USP34: variants seen among roughly 807,000 people sequenced by gnomAD.
USP34 encodes the protein ubiquitin carboxyl-terminal hydrolase 34.
A neutral mutation model predicts 460.3 loss-of-function variants in USP34; 70 were observed. The observed-to-expected ratio is 0.15, with a 90% confidence interval of 0.13 to 0.19. The LOEUF (loss-of-function observed/expected upper bound fraction) is 0.19, where lower values mean the gene tolerates loss of function less well. USP34 is among the 10% of genes least tolerant of loss of function. The pLI, the probability that USP34 is intolerant of heterozygous loss-of-function variation, is 1.00. For synonymous variants in USP34, 1,647 were observed against 1,405.3 expected, an observed-to-expected ratio of 1.17 and a Z score of -3.85; for missense variants, 3,985 against 4,236.2, an observed-to-expected ratio of 0.94 and a Z score of 1.65.
Position 61,236,322 on chromosome 2 carries a change from T to C in USP34, c.6842+3A>G, listed in dbSNP as rs772751542. The C allele has an allele frequency of 4.4e-6, 7 of 1,603,530 alleles. No individual in the cohort carries two copies. The highest frequency in any genetic ancestry group is 1.7e-5 in the Admixed American group (1 of 57,812). On this transcript the variant is annotated splice_donor_region_variant and intron_variant, in intron 54 of 79. Transcript: ENST00000398571. The stretch of plus-strand genomic sequence containing the variant: ...TATCTACTATGAAATTTACCAAACT[T>C]ACCCAAAATATGTATGTTCAAAAAT...
intron 30 of USP34, among the ~76,000 whole-genome samples, chr2:61,295,950 T>C (rs1276290622): frequency 6.6e-6 from 1 of 152,196 alleles, no homozygotes; most frequent in East Asian, 1.9e-4. Context: ...AAACTACTTA[T>C]TATACAAATT....
intron 1 of USP34, among the ~76,000 whole-genome samples, chr2:61,441,060 G>A (rs1044354892): frequency 5.9e-5 from 9 of 151,512 alleles, no homozygotes; most frequent in Non-Finnish European, 8.8e-5. Flanking sequence ...ACTGGGAGGC[G>A]GAGCTTGCAG....
rs770849663 is a variant in USP34, at chr2:61,214,076, G to A, written c.8666C>T (p.Ala2889Val). 2 of 1,614,062 alleles carry A rather than the reference G, an allele frequency of 1.2e-6. No individual in the cohort carries two copies. Among genetic ancestry groups the A allele is most frequent in the Non-Finnish European group, 1.7e-6 (2 of 1,180,036 alleles). ...TTTACTCACTCCAGGGTATTGGCTG[G>A]CATGTGGTGTAAGATTCTTAAAGGC... Reference protein sequence around the residue: ...QWAFKNLTPHASQYPGAVEEL... With the variant: ...QWAFKNLTPHVSQYPGAVEEL... The change falls in exon 68 of 80, where the codon GCC becomes GTC. Residue 2889 changes from alanine to valine, a missense_variant. Around this residue, in one of 14 missense-constraint regions of USP34, gnomAD observed 275 missense variants for 292.7 expected, o/e 0.94. Transcript: ENST00000398571.
intron 2 of USP34, among the ~76,000 whole-genome samples, chr2:61,420,355 A>G (rs552293728): frequency 1.3e-5 from 2 of 152,332 alleles, no homozygotes; most frequent in East Asian, 1.9e-4. Flanking sequence ...TCTAATACAC[A>G]TAATTATAGA....
intron 67 of USP34, 120 bp from the exon 68 acceptor site, chr2:61,214,814 A>C (rs1005591453): frequency 8.6e-7 from 1 of 1,158,120 alleles, no homozygotes; most frequent in African/African-American, 1.6e-5. Flanking sequence ...AAGGGACATG[A>C]ACATCTCTTT....
intron 1 of USP34, among the ~76,000 whole-genome samples, chr2:61,461,086 G>C (rs879367334): frequency 2.6e-5 from 4 of 151,792 alleles, no homozygotes; most frequent in Admixed American, 1.3e-4. Context: ...AGCGAGCTTT[G>C]AATTTTGAAA....
chr2:61,202,406 C>G (rs908483779), intron 75 of USP34, among the ~76,000 whole-genome samples: 3 of 152,110 alleles, frequency 2.0e-5, no homozygotes, highest in African/African-American at 7.2e-5. Flanking sequence ...AGAGGGAGGA[C>G]ACAGACGCCT....
In USP34 at chr2:61,405,724, G is replaced by A. The variant is rs1010532063; in HGVS notation, c.536C>T (p.Thr179Ile). 6.4e-7 allele frequency: 1 copy of A among 1,560,506 alleles called. No individual in the cohort carries two copies. The highest frequency in any genetic ancestry group is 8.6e-7 in the Non-Finnish European group (1 of 1,158,288). The change falls in exon 3 of 80, where the codon ACT becomes ATT. Residue 179 changes from threonine to isoleucine, a missense_variant. Around this residue, in one of 14 missense-constraint regions of USP34, gnomAD observed 331 missense variants for 293.7 expected, o/e 1.13. Coordinates refer to ENST00000398571, the MANE Select transcript of USP34 (RefSeq NM_014709.4). ...FPLYTAYKHN[T>I]HPTIEDISTQ... is the part of the protein sequence containing the mutation. ...TTTACATACCTCAATAGTAGGGTGA[G>A]TATTATGCTTGTAAGCAGTATATAA...
At chr2:61,193,206 G>A (rs2103739716) in intron 75 of USP34, 1 of 355,038 alleles carries the variant, frequency 2.8e-6, no homozygotes, top group Non-Finnish European at 5.1e-6. Context: ...AAGGATATGG[G>A]ACTTAAATCA....
intron 53 of USP34, among the ~76,000 whole-genome samples, chr2:61,238,599 AAAAACCACATTCTGGTTTATATCT>A (rs1171864808): frequency 6.6e-6 from 1 of 152,194 alleles, no homozygotes; most frequent in African/African-American, 2.4e-5. Context: ...TACAAATCTA[AAAAACCACATTCTGGTTTATATCT>A]AAAACCATAT....
chr2:61,319,689 C>CA (rs1438456479), intron 21 of USP34, among the ~76,000 whole-genome samples: 1 of 151,908 alleles, frequency 6.6e-6, no homozygotes. Flanking sequence ...TATTAAAATA[C>CA]AAAAAATTAG....
intron 27 of USP34, among the ~76,000 whole-genome samples, chr2:61,302,693 TTAAC>T (rs1690266594): frequency 6.6e-6 from 1 of 152,248 alleles, no homozygotes; most frequent in Admixed American, 6.5e-5. Flanking sequence ...TCTATATCAT[TTAAC>T]TAACAATTCC....
chr2:61,331,431 G>T, intron 19 of USP34, 60 bp from the exon 20 acceptor site: 1 of 1,337,234 alleles, frequency 7.5e-7, no homozygotes, highest in Non-Finnish European at 1.0e-6. Flanking sequence ...ATAAATCTAT[G>T]CTATGACAGT....
chr2:61,276,878 T>C (rs1046893812), intron 41 of USP34, among the ~76,000 whole-genome samples: 6 of 152,226 alleles, frequency 3.9e-5, no homozygotes, highest in African/African-American at 1.2e-4. Flanking sequence ...TCTATGCCTA[T>C]GAGGACAATC....
chr2:61,200,724 A>G (rs979991480), intron 75 of USP34: 1 of 152,282 alleles, frequency 6.6e-6, no homozygotes, highest in African/African-American at 2.4e-5. Context: ...TTGTTGCCAA[A>G]TATAATTTCT....
At position 61,216,556 on chromosome 2, in the gene USP34, C is replaced by T. The variant is rs184844848; in HGVS notation, c.8048-1862G>A. Among the ~76,000 whole-genome samples the T allele has an allele frequency of 1.3e-4, 20 of 151,848 alleles. No homozygotes were observed. The East Asian group carries it at 2.1e-3, about 16-fold the overall frequency. ...CAGAGCTTGCAGTAAGCCGAGATTGCGCCACTGCACTCCAGCCTGGGTGAC... is the reference window on the plus strand; with the variant it reads ...CAGAGCTTGCAGTAAGCCGAGATTGTGCCACTGCACTCCAGCCTGGGTGAC... On this transcript the variant is annotated intron_variant, in intron 67 of 79. Transcript: ENST00000398571.
At chr2:61,390,870 G>T (rs187649114) in intron 5 of USP34, among the ~76,000 whole-genome samples, 1 of 151,908 alleles carries the variant, frequency 6.6e-6, no homozygotes, top group African/African-American at 2.4e-5. Flanking sequence ...GCTGAGGTGG[G>T]GGCATCGCAA....
At chr2:61,283,300 A>G (rs778478097) in intron 36 of USP34, 31 bp from the exon 37 acceptor site, 14 of 1,603,338 alleles carry the variant, frequency 8.7e-6, no homozygotes, top group Admixed American at 5.1e-5. Flanking sequence ...AGTTCACTAT[A>G]AAAGGTTTGT....
chr2:61,417,370 T>C (rs1005934685), intron 2 of USP34: 1 of 569,850 alleles, frequency 1.8e-6, no homozygotes, highest in African/African-American at 1.9e-5. Flanking sequence ...TCAGCTTAAT[T>C]GGCTGCAGGA....
Sources: allele counts gnomAD v4.1 joint callset (sites outside exome capture counted in the v4.1 genomes callset), GRCh38; gene constraint gnomAD v4.1.1; regional missense constraint gnomAD v4.1.1; transcripts MANE v1.5; gene names NCBI Gene and HGNC (gene_info 2026-07-23, HGNC 2026-07-21).